ELAPOR1: variants seen among roughly 807,000 people sequenced by gnomAD.
ELAPOR1 encodes endosome/lysosome-associated apoptosis and autophagy regulator 1.
A neutral mutation model predicts 119.7 loss-of-function variants in ELAPOR1; 77 were observed. The ratio of observed to expected loss-of-function variants is 0.64; its 90% CI spans 0.54 to 0.78. The LOEUF (loss-of-function observed/expected upper bound fraction) is 0.78. Ranked by LOEUF, ELAPOR1 falls within the 30% of genes least tolerant of loss-of-function variation. The pLI, the probability that ELAPOR1 is intolerant of heterozygous loss-of-function variation, is 0.00. For missense variants in ELAPOR1, 1,115 were observed against 1,270.4 expected (o/e 0.88, Z 1.86); for synonymous variants, 481 against 487.2 (o/e 0.99, Z 0.17).
chr1:109,188,484 C>A, intron 9 of ELAPOR1, 130 bp downstream of exon 9: 1 of 1,044,904 alleles, frequency 9.6e-7, no homozygotes, highest in Non-Finnish European at 1.4e-6. Context: ...AGGACCAGGC[C>A]ACCTTTGAGG....
intron 1 of ELAPOR1, among the ~76,000 whole-genome samples, chr1:109,118,637 G>C (rs1045462790): frequency 6.6e-6 from 1 of 152,162 alleles, no homozygotes; most frequent in Non-Finnish European, 1.5e-5. Context: ...TAGAGGATTT[G>C]GCAACTGATT....
rs375471602 is a variant in ELAPOR1 at position 109,197,684 on chromosome 1, T to TGAGAGAGAGA, written c.2302+35_2302+36insAGAGAGAGAG. The TGAGAGAGAGA allele has an allele frequency of 3.5e-4, 521 of 1,496,088 alleles. 1 individual carries two copies. The African/African-American group carries it at 6.0e-3, about 17-fold the overall frequency. 92.7% of individuals were successfully genotyped at this position (1,496,088 alleles called of 1,614,324 possible). A position where few individuals can be genotyped will look rare whatever the true frequency, so the allele number is the denominator to read the frequency against. ...GTAACTCCGCTGCCTCAGCCTTGTTTGAGAGTGTGTGTGTGTGTGTGTGTG... is the reference window on the plus strand; with the variant it reads ...GTAACTCCGCTGCCTCAGCCTTGTTTGAGAGAGAGAGAGAGTGTGTGTGTGTGTGTGTGTG... On this transcript the variant is annotated intron_variant, in intron 16 of 21. Coordinates refer to ENST00000369939, the MANE Select transcript of ELAPOR1 (RefSeq NM_020775.5).
intron 1 of ELAPOR1, among the ~76,000 whole-genome samples, chr1:109,119,014 C>T (rs1214978335): frequency 6.6e-6 from 1 of 151,142 alleles, no homozygotes; most frequent in Non-Finnish European, 1.5e-5. Flanking sequence ...TCTCCTGCCT[C>T]AGCCTCCCAA....
intron 18 of ELAPOR1, 148 bp downstream of exon 18, chr1:109,198,822 C>A (rs992068689): frequency 9.2e-6 from 6 of 650,446 alleles, no homozygotes; most frequent in African/African-American, 9.1e-5. Context: ...TGGCCCCAGA[C>A]CCTCAGTCTT....
Position 109,204,995 on chromosome 1 carries a change from AC to A in ELAPOR1, c.*1984del, listed in dbSNP as rs1158397808. The A allele has an allele frequency of 6.6e-6, 1 of 152,240 alleles. No individual in the cohort carries two copies. 9.4% of individuals were successfully genotyped at this position (152,240 alleles called of 1,614,324 possible). On this transcript the variant is annotated 3_prime_UTR_variant, in exon 22 of 22. Coordinates refer to ENST00000369939, the MANE Select transcript of ELAPOR1 (RefSeq NM_020775.5). ...TCTCAATTGCTTTGTGTGATAAAAA[AC>A]TAAAGAGACTTCTGGTCCAATTTCT...
At chr1:109,153,762 A>G (rs1460221594) in intron 1 of ELAPOR1, among the ~76,000 whole-genome samples, 1 of 151,834 alleles carries the variant, frequency 6.6e-6, no homozygotes, top group East Asian at 1.9e-4. Context: ...GTTTGGGATT[A>G]CAGGTGCCTG....
Position 109,188,177 on chromosome 1 carries a change from A to G in ELAPOR1, c.1042A>G (p.Thr348Ala). The G allele has an allele frequency of 6.2e-7, 1 of 1,601,138 alleles. No homozygotes were observed. Among genetic ancestry groups the G allele is most frequent in the Admixed American group, 1.7e-5 (1 of 59,668 alleles). ...AGTTGTGCTTAATCCATTTCTGCAG[A>G]CACAACTCATGTACAAATGGGCCAA... ...THTACDANGE[T>A]QLMYKWAKPK... Residue 348 changes from threonine to alanine, a missense_variant and splice_region_variant, in exon 9 of 22, where the codon ACA becomes GCA. Transcript: ENST00000369939.
At chr1:109,114,852 C>T (rs1208902378) in intron 1 of ELAPOR1, among the ~76,000 whole-genome samples, 1 of 152,152 alleles carries the variant, frequency 6.6e-6, no homozygotes. Flanking sequence ...TTCCAGCTCT[C>T]TAGTTCCTTG....
intron 1 of ELAPOR1, among the ~76,000 whole-genome samples, chr1:109,115,511 C>T (rs906248628): frequency 6.6e-6 from 1 of 152,156 alleles, no homozygotes; most frequent in Non-Finnish European, 1.5e-5. Context: ...AACTCCTGGG[C>T]TCAAGCGACT....
chr1:109,182,108 G>C (rs1340220515), intron 7 of ELAPOR1, among the ~76,000 whole-genome samples: 1 of 152,120 alleles, frequency 6.6e-6, no homozygotes, highest in East Asian at 1.9e-4. Context: ...AAGGCAGGCA[G>C]ATCACGAGGT....
rs960578683 is a variant in ELAPOR1 at position 109,171,757 on chromosome 1, C to T, written c.468-109C>T. 8.4e-6 allele frequency: 10 copies of T among 1,184,346 alleles called. No homozygotes were observed. In the African/African-American group the frequency reaches 1.2e-4, roughly 15 times the overall value. The allele number at this position is 1,184,346 out of a possible 1,614,324, so 73.4% of individuals were successfully genotyped here. A position where few individuals can be genotyped will look rare whatever the true frequency, so the allele number is the denominator to read the frequency against. ...CAGGTCCAAGTTTCAGTTTGTGAAT[C>T]ACAAGCCTGAAAATTCCCAAAGACC... On this transcript the variant is annotated intron_variant, in intron 3 of 21. Coordinates refer to ENST00000369939, the MANE Select transcript of ELAPOR1 (RefSeq NM_020775.5).
At chr1:109,200,596 C>T (rs1250345130) in intron 20 of ELAPOR1, 139 bp from the exon 21 acceptor site, 2 of 763,532 alleles carry the variant, frequency 2.6e-6, no homozygotes, top group South Asian at 1.9e-5. Flanking sequence ...TTACCCCAGC[C>T]CTGACACCAT....
chr1:109,193,084 G>A (rs1653554972), intron 14 of ELAPOR1, among the ~76,000 whole-genome samples: 1 of 152,082 alleles, frequency 6.6e-6, no homozygotes, highest in Non-Finnish European at 1.5e-5. Context: ...CTCAGTCACT[G>A]ACAAGTCTCC....
At chr1:109,189,897 C>CT (rs1653322605) in intron 11 of ELAPOR1, among the ~76,000 whole-genome samples, 2 of 152,122 alleles carry the variant, frequency 1.3e-5, no homozygotes, top group Non-Finnish European at 2.9e-5. Flanking sequence ...TGCTCTCTCT[C>CT]CCGTATAGCT....
chr1:109,131,553 G>T (rs962202141), intron 1 of ELAPOR1, among the ~76,000 whole-genome samples: 1 of 152,118 alleles, frequency 6.6e-6, no homozygotes, highest in Non-Finnish European at 1.5e-5. Flanking sequence ...CTCGCAGTGT[G>T]CCAGGTGCTG....
rs574262283 is a variant in ELAPOR1 at position 109,174,263 on chromosome 1, T to C, written c.952+426T>C. ...AACTCCTGGGCTCAAGTGATCCTCC[T>C]GCCTCAGCCTCTCAAGCTGTGAGCC... On this transcript the variant is annotated intron_variant, in intron 7 of 21. Transcript: ENST00000369939. 4.0e-5 allele frequency among the ~76,000 whole-genome samples: 6 copies of C among 151,228 alleles called. No individual in the cohort carries two copies. The South Asian group carries it at 1.3e-3, about 32-fold the overall frequency.
chr1:109,176,072 C>T (rs1014528483), intron 7 of ELAPOR1, among the ~76,000 whole-genome samples: 2 of 152,066 alleles, frequency 1.3e-5, no homozygotes, highest in Non-Finnish European at 2.9e-5. Context: ...TTCCTTGTAA[C>T]ACAATTTGCA....
intron 1 of ELAPOR1, among the ~76,000 whole-genome samples, chr1:109,129,581 C>T (rs1175101728): frequency 2.6e-5 from 4 of 152,174 alleles, no homozygotes; most frequent in African/African-American, 9.7e-5. Flanking sequence ...AACACACAGC[C>T]TTTAAGGGAA....
chr1:109,190,878 G>A lies in ELAPOR1; in HGVS notation c.1440-488G>A, dbSNP rs186556493. On this transcript the variant is annotated intron_variant, in intron 11 of 21. Coordinates refer to ENST00000369939, the MANE Select transcript of ELAPOR1 (RefSeq NM_020775.5). Reference sequence around the variant, plus strand: ...CCAGTGCTGGAGAGACAGCTGCTGAGTAAATGTCAACAATTTACAGTCTTA... The same window carrying A: ...CCAGTGCTGGAGAGACAGCTGCTGAATAAATGTCAACAATTTACAGTCTTA... 3.3e-5 allele frequency among the ~76,000 whole-genome samples: 5 copies of A among 152,252 alleles called. No individual in the cohort carries two copies. In the East Asian group the frequency reaches 7.7e-4, roughly 24 times the overall value.
Sources: allele counts gnomAD v4.1 joint callset (sites outside exome capture counted in the v4.1 genomes callset), GRCh38; gene constraint gnomAD v4.1.1; transcripts MANE v1.5; gene names NCBI Gene and HGNC (gene_info 2026-07-23, HGNC 2026-07-21).